Variants in NKAIN3 observed in about 807,000 individuals in gnomAD.
NKAIN3 encodes the protein sodium/potassium transporting ATPase interacting 3.
A neutral mutation model predicts 30.2 loss-of-function variants in NKAIN3; 25 were observed. That is an observed-to-expected ratio of 0.83 (90% CI 0.60 to 1.16). NKAIN3 has a LOEUF of 1.16. Ranked by LOEUF, NKAIN3 falls within the 50% of genes most tolerant of loss-of-function variation. The probability of loss-of-function intolerance (pLI) is 0.00; values close to 1 mark genes in which losing one functional copy is unlikely to be tolerated. For missense variants in NKAIN3, 225 were observed against 254.1 expected, an observed-to-expected ratio of 0.89 and a Z score of 0.78; for synonymous variants, 91 against 89.6, an observed-to-expected ratio of 1.02 and a Z score of -0.09.
intron 1 of NKAIN3, among the ~76,000 whole-genome samples, chr8:62,259,836 A>T (rs1379893245): frequency 1.3e-5 from 2 of 152,148 alleles, no homozygotes; most frequent in Non-Finnish European, 2.9e-5. Flanking sequence ...CAGTTCATTG[A>T]ACTGGAGGAG....
In NKAIN3 at chr8:62,524,886, A is replaced by G. The variant is rs1040160342; in HGVS notation, c.55-54653A>G. On this transcript the variant is annotated intron_variant, in intron 1 of 6. Transcript: ENST00000623646. ...TGAGGTACTCCGGTTTAATAGCTAC[A>G]CTAGTTTGATGCTCTATATGGTCAT... Among the ~76,000 whole-genome samples the G allele has an allele frequency of 2.0e-5, 3 of 151,604 alleles. No individual in the cohort carries two copies. In the Admixed American group the frequency reaches 2.0e-4, roughly 10 times the overall value.
At chr8:62,454,322 A>T (rs901187491) in intron 1 of NKAIN3, among the ~76,000 whole-genome samples, 5 of 146,578 alleles carry the variant, frequency 3.4e-5, no homozygotes, top group East Asian at 2.1e-4. Context: ...AAAAAAAAAA[A>T]ATCTGAAAAT....
intron 3 of NKAIN3, among the ~76,000 whole-genome samples, chr8:62,630,652 C>T (rs1811928025): frequency 6.6e-6 from 1 of 152,160 alleles, no homozygotes; most frequent in South Asian, 2.1e-4. Context: ...CCCCAAGTCA[C>T]TCACTGAACT....
At chr8:62,535,173 T>C (rs981216005) in intron 1 of NKAIN3, among the ~76,000 whole-genome samples, 3 of 152,188 alleles carry the variant, frequency 2.0e-5, no homozygotes, top group Non-Finnish European at 4.4e-5. Context: ...ATTTGTCTCA[T>C]TGAAGTACTG....
intron 5 of NKAIN3, among the ~76,000 whole-genome samples, chr8:62,947,660 T>C (rs1823162924): frequency 6.6e-6 from 1 of 152,204 alleles, no homozygotes; most frequent in Admixed American, 6.5e-5. Flanking sequence ...GGCCAGATCA[T>C]AGAAGGCGAC....
At chr8:62,929,744 G>A (rs1342767679) in intron 5 of NKAIN3, among the ~76,000 whole-genome samples, 3 of 152,078 alleles carry the variant, frequency 2.0e-5, no homozygotes, top group Non-Finnish European at 2.9e-5. Flanking sequence ...TCTAAATCAA[G>A]CTTGTCCAAC....
intron 1 of NKAIN3, among the ~76,000 whole-genome samples, chr8:62,355,186 G>A (rs73684975): frequency 0.035 from 5,279 of 152,248 alleles, 330 homozygotes; most frequent in African/African-American, 0.12. Flanking sequence ...TTCAAGCTGA[G>A]GGTTCTTTTC....
intron 1 of NKAIN3, among the ~76,000 whole-genome samples, chr8:62,416,226 T>C (rs1487988700): frequency 6.6e-6 from 1 of 152,192 alleles, no homozygotes; most frequent in Non-Finnish European, 1.5e-5. Flanking sequence ...TTCATACTCA[T>C]TAAGGATTCA....
chr8:62,808,496 T>C (rs1818377847), intron 4 of NKAIN3, among the ~76,000 whole-genome samples: 1 of 152,170 alleles, frequency 6.6e-6, no homozygotes, highest in Non-Finnish European at 1.5e-5. Context: ...CAACGTAGGT[T>C]CTTTTCTATT....
chr8:62,625,942 T>C (rs1162571082), intron 3 of NKAIN3, among the ~76,000 whole-genome samples: 2 of 144,992 alleles, frequency 1.4e-5, no homozygotes, highest in East Asian at 2.2e-4. Flanking sequence ...TAACATGACA[T>C]AATTGACAAA....
At chr8:62,469,474 T>TAAA (rs1489208854) in intron 1 of NKAIN3, among the ~76,000 whole-genome samples, 1 of 152,180 alleles carries the variant, frequency 6.6e-6, no homozygotes, top group Non-Finnish European at 1.5e-5. Context: ...CCACTGGTTT[T>TAAA]ACTAACATTC....
At chr8:62,806,752 T>C (rs1818299795) in intron 4 of NKAIN3, among the ~76,000 whole-genome samples, 1 of 151,938 alleles carries the variant, frequency 6.6e-6, no homozygotes, top group African/African-American at 2.4e-5. Context: ...CATGTATACA[T>C]ATGTAACTAA....
intron 4 of NKAIN3, among the ~76,000 whole-genome samples, chr8:62,853,650 G>A (rs1342827612): frequency 6.6e-6 from 1 of 151,890 alleles, no homozygotes; most frequent in Non-Finnish European, 1.5e-5. Flanking sequence ...TTTTCTCCAG[G>A]AAAAGCAGCT....
intron 3 of NKAIN3, among the ~76,000 whole-genome samples, chr8:62,646,249 AGAGGT>A (rs1186357204): frequency 6.6e-6 from 1 of 152,072 alleles, no homozygotes; most frequent in Non-Finnish European, 1.5e-5. Flanking sequence ...ACCACAATTA[AGAGGT>A]TTAAATAAAA....
chr8:62,850,851 T>C (rs571964732), intron 4 of NKAIN3, among the ~76,000 whole-genome samples: 1 of 152,260 alleles, frequency 6.6e-6, no homozygotes, highest in South Asian at 2.1e-4. Flanking sequence ...CTGTTTTGGT[T>C]ACTGTAGCCT....
At chr8:62,363,540 AGT>A in intron 1 of NKAIN3, among the ~76,000 whole-genome samples, 1 of 152,250 alleles carries the variant, frequency 6.6e-6, no homozygotes, top group East Asian at 1.9e-4. Flanking sequence ...TCATCAAATG[AGT>A]GTGTCATCAG....
At chr8:62,560,745 T>C (rs34182413) in intron 1 of NKAIN3, among the ~76,000 whole-genome samples, 1 of 151,952 alleles carries the variant, frequency 6.6e-6, no homozygotes, top group East Asian at 1.9e-4. Context: ...TTCACCATGG[T>C]GGCCAGGCTG....
In NKAIN3 at chr8:62,942,480, C is replaced by A. The variant is rs547547169; in HGVS notation, c.533-11422C>A. On this transcript the variant is annotated intron_variant, in intron 5 of 6. Transcript: ENST00000623646. ...AGCAATCTACAAATTCAATGCAATT[C>A]CCATCACAATACCATCATCATTCTT... 2.7e-5 allele frequency among the ~76,000 whole-genome samples: 4 copies of A among 150,508 alleles called. No individual in the cohort carries two copies. The East Asian group carries it at 7.8e-4, about 29-fold the overall frequency.
In NKAIN3 at chr8:62,660,298, A is replaced by G. The variant is rs142887214; in HGVS notation, c.273+70504A>G. 1.8e-4 allele frequency among the ~76,000 whole-genome samples: 27 copies of G among 152,326 alleles called. No homozygotes were observed. The East Asian group carries it at 5.0e-3, about 28-fold the overall frequency. ...GATCTTTTGGTCATACCTTACAAAG[A>G]TGTTGTGAAGATGAATGTAGAATAT... On this transcript the variant is annotated intron_variant, in intron 3 of 6. Transcript: ENST00000623646.
Sources: gnomAD v4.1 joint callset for allele counts (sites outside exome capture counted in the v4.1 genomes callset) on GRCh38, gnomAD v4.1.1 for gene constraint, MANE v1.5 for transcripts, NCBI Gene and HGNC (gene_info 2026-07-23, HGNC 2026-07-21) for gene names.